STXBP5L: variants seen among roughly 807,000 people sequenced by gnomAD.
The protein encoded by STXBP5L is syntaxin-binding protein 5-like.
Under a neutral mutation model 144.5 loss-of-function variants are expected in STXBP5L, and 65 were observed. The observed-to-expected ratio is 0.45, with a 90% confidence interval of 0.37 to 0.55. The LOEUF is 0.55. Ranked by LOEUF, STXBP5L falls within the 20% of genes least tolerant of loss-of-function variation. STXBP5L has a pLI of 0.00. For missense variants in STXBP5L, 1,298 were observed against 1,405.5 expected, an observed-to-expected ratio of 0.92 and a Z score of 1.22; for synonymous variants, 505 against 469.6, an observed-to-expected ratio of 1.08 and a Z score of -0.97.
intron 18 of STXBP5L, among the ~76,000 whole-genome samples, chr3:121,266,342 G>A (rs1257647843): frequency 2.0e-5 from 3 of 152,152 alleles, no homozygotes; most frequent in African/African-American, 4.8e-5. Context: ...ATCAATAAAC[G>A]TAATCCATCA....
intron 7 of STXBP5L, among the ~76,000 whole-genome samples, chr3:121,140,723 C>T (rs1003958106): frequency 2.2e-4 from 33 of 152,124 alleles, no homozygotes; most frequent in Middle Eastern, 3.4e-3. Flanking sequence ...AGTTACTTAC[C>T]GGCAGCTGAG....
At chr3:121,307,592 A>C (rs1011632653) in intron 19 of STXBP5L, among the ~76,000 whole-genome samples, 42 of 152,186 alleles carry the variant, frequency 2.8e-4, no homozygotes, top group African/African-American at 9.6e-4. Flanking sequence ...CAACCAGTAA[A>C]CTTGAAAATA....
intron 2 of STXBP5L, among the ~76,000 whole-genome samples, chr3:120,921,741 T>G (rs1468179914): frequency 6.6e-6 from 1 of 152,030 alleles, no homozygotes; most frequent in African/African-American, 2.4e-5. Flanking sequence ...CCACTGAATG[T>G]TCTTGGTAAC....
intron 3 of STXBP5L, among the ~76,000 whole-genome samples, chr3:120,964,541 G>T (rs659980): frequency 0.8 from 121,448 of 152,068 alleles, 48,962 homozygotes; most frequent in Admixed American, 0.84. Flanking sequence ...CCAGTAGTCA[G>T]TCAGGAGCAA....
chr3:121,251,317 G>A (rs968038904), intron 15 of STXBP5L, among the ~76,000 whole-genome samples: 1 of 152,112 alleles, frequency 6.6e-6, no homozygotes, highest in Non-Finnish European at 1.5e-5. Context: ...AAAAATTGTA[G>A]TCATTAGAAA....
rs376571553 is a variant in STXBP5L at position 121,070,130 on chromosome 3, C to T, written c.470+24595C>T. On this transcript the variant is annotated intron_variant, in intron 5 of 26. Transcript: ENST00000471454. ...TTATTAAGGTGATCACCGGCTCAGCCGGACATATGTCCAGAATTCTGAGCC... is the reference window on the plus strand; with the variant it reads ...TTATTAAGGTGATCACCGGCTCAGCTGGACATATGTCCAGAATTCTGAGCC... 5.9e-5 allele frequency among the ~76,000 whole-genome samples: 9 copies of T among 152,318 alleles called. No individual in the cohort carries two copies. The East Asian group carries it at 9.6e-4, about 16-fold the overall frequency.
In STXBP5L at chr3:121,378,712, A is replaced by G. The variant is rs376616976; in HGVS notation, c.2177-4A>G. 47 of 1,612,896 alleles carry G rather than the reference A, an allele frequency of 2.9e-5. No homozygotes were observed. Among genetic ancestry groups the G allele is most frequent in the Admixed American group, 3.3e-5 (2 of 59,862 alleles). On this transcript the variant is annotated splice_polypyrimidine_tract_variant and splice_region_variant and intron_variant, in intron 20 of 26. Coordinates refer to ENST00000471454, the MANE Select transcript of STXBP5L (RefSeq NM_001308330.2). The stretch of plus-strand genomic sequence containing the variant: ...TGTATGCTGCCTTCCTCCTCTTGGC[A>G]CAGACCATGTAAATGGACACTGCAC...
intron 9 of STXBP5L, among the ~76,000 whole-genome samples, chr3:121,197,775 T>G (rs2108199627): frequency 6.6e-6 from 1 of 152,302 alleles, no homozygotes; most frequent in Admixed American, 6.5e-5. Flanking sequence ...TTAAATTTGC[T>G]GAGAATGATG....
intron 20 of STXBP5L, among the ~76,000 whole-genome samples, chr3:121,376,935 G>A (rs1038896291): frequency 3.3e-5 from 5 of 152,068 alleles, no homozygotes; most frequent in South Asian, 4.1e-4. Context: ...CATTGAAGTG[G>A]TCCTTCACGT....
chr3:121,176,080 T>C (rs1559826323), intron 9 of STXBP5L, among the ~76,000 whole-genome samples: 1 of 151,952 alleles, frequency 6.6e-6, no homozygotes, highest in Non-Finnish European at 1.5e-5. Context: ...AATTTATAGA[T>C]CTGAAAGGAG....
intron 3 of STXBP5L, among the ~76,000 whole-genome samples, chr3:120,978,396 C>G (rs1209163715): frequency 6.6e-6 from 1 of 152,252 alleles, no homozygotes; most frequent in Admixed American, 6.5e-5. Flanking sequence ...TCAGCTCCAT[C>G]AGCTCCTTTA....
chr3:121,005,226 A>T (rs564428968), intron 3 of STXBP5L, among the ~76,000 whole-genome samples: 29 of 152,272 alleles, frequency 1.9e-4, no homozygotes, highest in African/African-American at 7.0e-4. Flanking sequence ...CCTCAATTTC[A>T]GAGCCTGTTT....
intron 3 of STXBP5L, among the ~76,000 whole-genome samples, chr3:120,974,763 C>G (rs1248643628): frequency 6.6e-6 from 1 of 152,064 alleles, no homozygotes; most frequent in African/African-American, 2.4e-5. Flanking sequence ...CTACATATGG[C>G]TAGCCAGTTT....
chr3:121,285,191 T>A (rs338988), intron 19 of STXBP5L, among the ~76,000 whole-genome samples: 74,191 of 151,708 alleles, frequency 0.49, 18,605 homozygotes, highest in East Asian at 0.73. Flanking sequence ...TGACTCAGTG[T>A]TATATTATCC....
chr3:120,930,164 CTTTT>C (rs140390258), intron 2 of STXBP5L, among the ~76,000 whole-genome samples: 1 of 135,998 alleles, frequency 7.4e-6, no homozygotes, highest in Admixed American at 7.2e-5. Flanking sequence ...TTTCTATTTT[CTTTT>C]TTTTTTTTTT....
intron 20 of STXBP5L, among the ~76,000 whole-genome samples, chr3:121,338,672 G>C (rs769863170): frequency 1.5e-4 from 23 of 149,642 alleles, no homozygotes; most frequent in Non-Finnish European, 2.5e-4. Flanking sequence ...AAGAAAAAAA[G>C]AAAGAGGAAG....
chr3:121,267,956 G>A (rs1048151540), intron 18 of STXBP5L, among the ~76,000 whole-genome samples: 7 of 152,168 alleles, frequency 4.6e-5, no homozygotes, highest in African/African-American at 7.2e-5. Context: ...TACACTGTTC[G>A]TGGCAGTGTA....
intron 19 of STXBP5L, among the ~76,000 whole-genome samples, chr3:121,315,934 C>T (rs1375742076): frequency 2.7e-5 from 4 of 149,848 alleles, no homozygotes; most frequent in Non-Finnish European, 5.9e-5. Context: ...ACCCAGGAGG[C>T]GGAGGTTGCA....
intron 9 of STXBP5L, among the ~76,000 whole-genome samples, chr3:121,182,473 T>C (rs1321064096): frequency 2.0e-5 from 3 of 152,102 alleles, no homozygotes; most frequent in Non-Finnish European, 4.4e-5. Flanking sequence ...TTAAACTAAA[T>C]GATAATCATT....
Sources: gnomAD v4.1 joint callset for allele counts (sites outside exome capture counted in the v4.1 genomes callset) on GRCh38, gnomAD v4.1.1 for gene constraint, MANE v1.5 for transcripts, NCBI Gene and HGNC (gene_info 2026-07-23, HGNC 2026-07-21) for gene names.